Variants in GPBP1L1 observed in about 807,000 individuals in gnomAD.
The protein encoded by GPBP1L1 is GC-rich promoter binding protein 1 like 1.
A neutral mutation model predicts 52.5 loss-of-function variants in GPBP1L1; 23 were observed. That is an observed-to-expected ratio of 0.44 (90% CI 0.32 to 0.62). The LOEUF (loss-of-function observed/expected upper bound fraction) is 0.62, where lower values mean the gene tolerates loss of function less well. GPBP1L1 is among the 20% of genes least tolerant of loss of function. The probability of loss-of-function intolerance (pLI) is 0.06; values close to 1 mark genes in which losing one functional copy is unlikely to be tolerated. For missense variants in GPBP1L1, 596 were observed against 579.3 expected (o/e 1.03, Z -0.30); for synonymous variants, 243 against 203.1 (o/e 1.20, Z -1.67).
chr1:45,660,225 C>A lies in GPBP1L1; in HGVS notation c.-97G>T. The A allele has an allele frequency of 1.0e-6, 1 of 985,332 alleles. No individual in the cohort carries two copies. The highest frequency in any genetic ancestry group is 1.2e-6 in the Non-Finnish European group (1 of 829,926). 61.0% of individuals were successfully genotyped at this position (985,332 alleles called of 1,614,324 possible). On this transcript the variant is annotated 5_prime_UTR_variant, in exon 3 of 13. Coordinates refer to ENST00000355105, the MANE Select transcript of GPBP1L1 (RefSeq NM_021639.5). The stretch of plus-strand genomic sequence containing the variant: ...TGTGGTCCTGTTTCTGAACTCGAGT[C>A]GGCCAGCTGGATCTCCCACAAGGTT...
chr1:45,656,668 C>G (rs1390844271), intron 4 of GPBP1L1, among the ~76,000 whole-genome samples: 1 of 150,496 alleles, frequency 6.6e-6, no homozygotes, highest in African/African-American at 2.4e-5. Context: ...CATACATAAG[C>G]CTTTTTTTTT....
intron 2 of GPBP1L1, among the ~76,000 whole-genome samples, chr1:45,682,689 CT>C (rs2148524378): frequency 6.6e-6 from 1 of 152,188 alleles, no homozygotes; most frequent in African/African-American, 2.4e-5. Flanking sequence ...AATTATTTGC[CT>C]TAGTAAAGAA....
At chr1:45,636,592 C>G (rs948276366) in intron 8 of GPBP1L1, among the ~76,000 whole-genome samples, 1 of 152,130 alleles carries the variant, frequency 6.6e-6, no homozygotes, top group African/African-American at 2.4e-5. Flanking sequence ...CAACAGGTTC[C>G]CTCTGCCGAG....
At chr1:45,663,714 A>G (rs1180692448) in intron 2 of GPBP1L1, among the ~76,000 whole-genome samples, 1 of 152,220 alleles carries the variant, frequency 6.6e-6, no homozygotes, top group East Asian at 1.9e-4. Context: ...AAAAGGAAAA[A>G]TCCCAAAATG....
In GPBP1L1 at chr1:45,660,283, C is replaced by T. The variant is rs925039982; in HGVS notation, c.-155G>A. The T allele has an allele frequency of 2.0e-6, 2 of 985,170 alleles. No homozygotes were observed. Among genetic ancestry groups the T allele is most frequent in the African/African-American group, 1.7e-5 (1 of 57,172 alleles). 61.0% of individuals were successfully genotyped at this position (985,170 alleles called of 1,614,324 possible). A position where few individuals can be genotyped will look rare whatever the true frequency, so the allele number is the denominator to read the frequency against. On this transcript the variant is annotated 5_prime_UTR_variant, in exon 3 of 13. Coordinates refer to ENST00000355105, the MANE Select transcript of GPBP1L1 (RefSeq NM_021639.5). ...TAAAAGGGTGCTTAAGTAACCTGGC[C>T]GGCAGCACGACTTATGATGAAGCAC...
chr1:45,684,118 C>T lies in GPBP1L1; in HGVS notation c.-1098+1458G>A, dbSNP rs775351713. On this transcript the variant is annotated intron_variant, in intron 2 of 12. Coordinates refer to ENST00000355105, the MANE Select transcript of GPBP1L1 (RefSeq NM_021639.5). ...CTAAAAATACAAAAAATTAGCCAGG[C>T]GTAGTGGTGAGCCCCTGTAATACCA... Among the ~76,000 whole-genome samples the T allele has an allele frequency of 3.1e-4, 47 of 151,216 alleles. 1 individual carries two copies. The Middle Eastern group carries it at 0.035, about 112-fold the overall frequency.
Position 45,668,932 on chromosome 1 carries a change from G to A in GPBP1L1, c.-1097-7707C>T, listed in dbSNP as rs531776234. ...CAGTAGGCTATGACTGTACTACTGC[G>A]CTCCAGTCTGGGTGACAGTGAGACT... On this transcript the variant is annotated intron_variant, in intron 2 of 12. Transcript: ENST00000355105. Among the ~76,000 whole-genome samples, 292 of 152,082 alleles carry A rather than the reference G, an allele frequency of 1.9e-3. 1 individual carries two copies. The highest frequency in any genetic ancestry group is 6.6e-3 in the African/African-American group (272 of 41,466).
intron 2 of GPBP1L1, among the ~76,000 whole-genome samples, chr1:45,668,758 A>C (rs1645040320): frequency 6.6e-6 from 1 of 152,200 alleles, no homozygotes; most frequent in Non-Finnish European, 1.5e-5. Context: ...GTAATGCCCT[A>C]AACTTGAAAA....
rs1278990741 is a variant in GPBP1L1 at position 45,659,158 on chromosome 1, T to G, written c.-55-16A>C. The G allele has an allele frequency of 7.2e-7, 1 of 1,385,612 alleles. No individual in the cohort carries two copies. The highest frequency in any genetic ancestry group is 1.0e-6 in the Non-Finnish European group (1 of 975,774). 85.8% of individuals were successfully genotyped at this position (1,385,612 alleles called of 1,614,324 possible). A position where few individuals can be genotyped will look rare whatever the true frequency, so the allele number is the denominator to read the frequency against. On this transcript the variant is annotated splice_polypyrimidine_tract_variant and intron_variant, in intron 3 of 12. Coordinates refer to ENST00000355105, the MANE Select transcript of GPBP1L1 (RefSeq NM_021639.5). ...TGGCCAGGATCTGAAAACAAAACAA[T>G]TCAAATCACTTATGTTTACAAGAAT... is the stretch of plus-strand genomic sequence containing the variant.
intron 6 of GPBP1L1, chr1:45,651,086 TCA>T: frequency 2.0e-6 from 1 of 504,134 alleles, no homozygotes; most frequent in South Asian, 1.4e-5. Context: ...GCAATGCGAG[TCA>T]CAGACTTGGG....
At chr1:45,636,902 A>G (rs1046730110) in intron 8 of GPBP1L1, among the ~76,000 whole-genome samples, 5 of 152,232 alleles carry the variant, frequency 3.3e-5, no homozygotes, top group African/African-American at 1.2e-4. Flanking sequence ...TTTTGAAGTC[A>G]GACCTGAGTT....
intron 2 of GPBP1L1, among the ~76,000 whole-genome samples, chr1:45,679,891 CAAA>C (rs61208985): frequency 0.21 from 18,195 of 87,836 alleles, 1,399 homozygotes; most frequent in East Asian, 0.4. Flanking sequence ...CTTATCTATA[CAAA>C]AAAAAAAAAA....
intron 6 of GPBP1L1, 63 bp downstream of exon 6, chr1:45,654,480 G>T: frequency 7.2e-7 from 1 of 1,381,764 alleles, no homozygotes; most frequent in Non-Finnish European, 9.9e-7. Flanking sequence ...ATTACTAACA[G>T]GGTCTCATAT....
intron 6 of GPBP1L1, among the ~76,000 whole-genome samples, chr1:45,645,083 C>T (rs1644726281): frequency 6.6e-6 from 1 of 152,154 alleles, no homozygotes; most frequent in African/African-American, 2.4e-5. Context: ...TTCAATTTGG[C>T]TTCTAAATCC....
chr1:45,678,072 T>C (rs1442927841), intron 2 of GPBP1L1, among the ~76,000 whole-genome samples: 1 of 152,092 alleles, frequency 6.6e-6, no homozygotes, highest in Non-Finnish European at 1.5e-5. Flanking sequence ...AAAGACCACA[T>C]GGTATACTTA....
At chr1:45,664,624 G>A (rs766876058) in intron 2 of GPBP1L1, among the ~76,000 whole-genome samples, 13 of 152,064 alleles carry the variant, frequency 8.5e-5, no homozygotes, top group Admixed American at 5.2e-4. Flanking sequence ...TCACTATGTT[G>A]CCTAGGCTGG....
rs1644685973 is a variant in GPBP1L1, at chr1:45,642,426, C to A, written c.550+1G>T. 2 of 1,610,890 alleles carry A rather than the reference C, an allele frequency of 1.2e-6. No homozygotes were observed. Among genetic ancestry groups the A allele is most frequent in the Non-Finnish European group, 8.5e-7 (1 of 1,177,516 alleles). ...CCTTTAAAATGGCAAAATCTACCTA[C>A]CCCATACTCCAGAAGGTGTCCCAAT... On this transcript the variant is annotated splice_donor_variant, in intron 7 of 12. Coordinates refer to ENST00000355105, the MANE Select transcript of GPBP1L1 (RefSeq NM_021639.5). LOFTEE classifies it high-confidence loss of function.
intron 10 of GPBP1L1, among the ~76,000 whole-genome samples, chr1:45,631,901 C>T (rs141191833): frequency 0.011 from 1,719 of 152,054 alleles, 25 homozygotes; most frequent in African/African-American, 0.036. Context: ...TCAGCCTGGG[C>T]GACAGAGTGA....
At chr1:45,675,684 C>T (rs1645130861) in intron 2 of GPBP1L1, among the ~76,000 whole-genome samples, 1 of 152,166 alleles carries the variant, frequency 6.6e-6, no homozygotes, top group Admixed American at 6.5e-5. Flanking sequence ...GGACTACAGG[C>T]ACCTATCACC....
Sources: gnomAD v4.1 joint callset for allele counts (sites outside exome capture counted in the v4.1 genomes callset) on GRCh38, gnomAD v4.1.1 for gene constraint, MANE v1.5 for transcripts, NCBI Gene and HGNC (gene_info 2026-07-23, HGNC 2026-07-21) for gene names.